ZNF805: variants seen among roughly 807,000 people sequenced by gnomAD.
ZNF805 encodes zinc finger protein 805.
A neutral mutation model predicts 13.6 loss-of-function variants in ZNF805; 7 were observed. The observed-to-expected ratio is 0.51, with a 90% CI of 0.29 to 0.97. The LOEUF is 0.97. ZNF805 is among the 50% of genes least tolerant of loss of function. The pLI, the probability that ZNF805 is intolerant of heterozygous loss-of-function variation, is 0.08. For synonymous variants in ZNF805, 293 were observed against 279.8 expected, an observed-to-expected ratio of 1.05 and a Z score of -0.47; for missense variants, 604 against 771.0, an observed-to-expected ratio of 0.78 and a Z score of 2.57.
chr19:57,254,869 G>A lies in ZNF805; in HGVS notation c.*166G>A, dbSNP rs1234398456. Reference sequence around the variant, plus strand: ...TCCATCTTTCTCATTAGTTTACAGTGCAATGTTATCTCAGGAATTTTTATA... The same window carrying A: ...TCCATCTTTCTCATTAGTTTACAGTACAATGTTATCTCAGGAATTTTTATA... On this transcript the variant is annotated 3_prime_UTR_variant, in exon 4 of 4. Transcript: ENST00000414468. 2.9e-6 allele frequency: 2 copies of A among 681,798 alleles called. No individual in the cohort carries two copies. Among genetic ancestry groups the A allele is most frequent in the Admixed American group, 3.3e-5 (1 of 30,316 alleles). 42.2% of individuals were successfully genotyped at this position (681,798 alleles called of 1,614,324 possible).
intron 2 of ZNF805, among the ~76,000 whole-genome samples, chr19:57,248,012 G>C (rs1368741682): frequency 6.6e-6 from 1 of 152,150 alleles, no homozygotes; most frequent in Non-Finnish European, 1.5e-5. Flanking sequence ...TTCAGGACTA[G>C]CCTGGCCATC....
chr19:57,246,497 C>T (rs1406681919), intron 2 of ZNF805, among the ~76,000 whole-genome samples: 1 of 151,996 alleles, frequency 6.6e-6, no homozygotes, highest in African/African-American at 2.4e-5. Flanking sequence ...AGAAAAGCAG[C>T]CCGGGCATGG....
intron 2 of ZNF805, among the ~76,000 whole-genome samples, chr19:57,244,845 T>TG (rs777460551): frequency 6.6e-6 from 1 of 152,214 alleles, no homozygotes; most frequent in Non-Finnish European, 1.5e-5. Flanking sequence ...TCTGTTTCTC[T>TG]GGCCTCTGTG....
chr19:57,250,736 G>A (rs148855028), intron 3 of ZNF805, among the ~76,000 whole-genome samples: 57 of 152,306 alleles, frequency 3.7e-4, no homozygotes, highest in East Asian at 2.1e-3. Flanking sequence ...GCAGGTTTTC[G>A]TGTTGACAGT....
At chr19:57,244,569 C>A (rs2087600209) in intron 2 of ZNF805, among the ~76,000 whole-genome samples, 1 of 144,284 alleles carries the variant, frequency 6.9e-6, no homozygotes, top group Admixed American at 7.1e-5. Flanking sequence ...AATAAGAGTA[C>A]TCTTTGGCTC....
At position 57,259,597 on chromosome 19, in the gene ZNF805, C is replaced by G. The variant is rs1044734325; in HGVS notation, c.*4894C>G. Among the ~76,000 whole-genome samples the G allele has an allele frequency of 2.0e-5, 3 of 152,156 alleles. No individual in the cohort carries two copies. Among genetic ancestry groups the G allele is most frequent in the Non-Finnish European group, 2.9e-5 (2 of 68,030 alleles). ...TCTCTGCTCACTGCAAGCTCTGCCT[C>G]CCGGGTTCATGCCATTCTCCTGCCT... On this transcript the variant is annotated 3_prime_UTR_variant, in exon 4 of 4. Transcript: ENST00000414468.
At chr19:57,249,017 T>G (rs570590678) in intron 3 of ZNF805, among the ~76,000 whole-genome samples, 1 of 152,308 alleles carries the variant, frequency 6.6e-6, no homozygotes, top group South Asian at 2.1e-4. Flanking sequence ...TAATACCAAC[T>G]GCTGTATCCA....
chr19:57,256,182 C>G lies in ZNF805; in HGVS notation c.*1479C>G, dbSNP rs970092677. ...CCTCACATCTTTGTGATAAGCCCTA[C>G]TTGATCATGGAGTATAATTTTGTTT... On this transcript the variant is annotated 3_prime_UTR_variant, in exon 4 of 4. Coordinates refer to ENST00000414468, the MANE Select transcript of ZNF805 (RefSeq NM_001023563.4). 1.3e-5 allele frequency among the ~76,000 whole-genome samples: 2 copies of G among 152,130 alleles called. No homozygotes were observed. The highest frequency in any genetic ancestry group is 4.8e-5 in the African/African-American group (2 of 41,450).
Position 57,255,218 on chromosome 19 carries a change from CTG to C in ZNF805, c.*516_*517del, listed in dbSNP as rs1216110540. ...TTTTAATGGGTTTTAAACACTAACA[CTG>C]AGAATTTTTCTTGATTCCCATCTGT... On this transcript the variant is annotated 3_prime_UTR_variant, in exon 4 of 4. Transcript: ENST00000414468. The C allele has an allele frequency of 1.2e-5, 2 of 167,100 alleles. No individual in the cohort carries two copies. The highest frequency in any genetic ancestry group is 4.8e-5 in the African/African-American group (2 of 41,406). The allele number at this position is 167,100 out of a possible 1,614,324, so 10.4% of individuals were successfully genotyped here.
chr19:57,244,266 G>A (rs2087598008), intron 2 of ZNF805, among the ~76,000 whole-genome samples: 1 of 130,286 alleles, frequency 7.7e-6, no homozygotes, highest in Non-Finnish European at 1.5e-5. Context: ...GCATTAGCAC[G>A]AACTCGGGTC....
Position 57,259,758 on chromosome 19 carries a change from G to A in ZNF805, c.*5055G>A, listed in dbSNP as rs2087712830. Among the ~76,000 whole-genome samples the A allele has an allele frequency of 6.6e-6, 1 of 152,094 alleles. No individual in the cohort carries two copies. Among genetic ancestry groups the A allele is most frequent in the African/African-American group, 2.4e-5 (1 of 41,410 alleles). On this transcript the variant is annotated 3_prime_UTR_variant, in exon 4 of 4. Transcript: ENST00000414468. Reference sequence around the variant, plus strand: ...CCTGATCTGGTGATCCACCTGCCTCGGCCTCCCGAAGTGCTGGGATTACAG... The same window carrying A: ...CCTGATCTGGTGATCCACCTGCCTCAGCCTCCCGAAGTGCTGGGATTACAG...
chr19:57,249,103 G>T (rs1416438107), intron 3 of ZNF805, among the ~76,000 whole-genome samples: 2 of 152,150 alleles, frequency 1.3e-5, no homozygotes, highest in African/African-American at 4.8e-5. Flanking sequence ...GGGTCAGCAG[G>T]GAACTCTGTA....
chr19:57,242,016 C>T (rs765772768), intron 1 of ZNF805, among the ~76,000 whole-genome samples: 1 of 152,178 alleles, frequency 6.6e-6, no homozygotes, highest in African/African-American at 2.4e-5. Flanking sequence ...AGAACTGTAA[C>T]GGTTGGCCTT....
chr19:57,242,694 G>T (rs116514348), intron 1 of ZNF805, among the ~76,000 whole-genome samples: 1 of 152,168 alleles, frequency 6.6e-6, no homozygotes, highest in Admixed American at 6.5e-5. Context: ...ACTGCCCCTC[G>T]TCAGGCATTT....
At position 57,253,298 on chromosome 19, in the gene ZNF805, G is replaced by A; in HGVS notation, c.479G>A (p.Gly160Asp). The A allele has an allele frequency of 1.3e-6, 2 of 1,574,080 alleles. No individual in the cohort carries two copies. The highest frequency in any genetic ancestry group is 1.2e-5 in the South Asian group (1 of 85,924). ...LPGKMSPKHD[G>D]LGTADSVCSR... ...GGAAAAATGAGCCCCAAACATGATG[G>A]TTTAGGGACAGCTGATAGTGTGTGT... The change falls in exon 4 of 4, where the codon GGT becomes GAT. Residue 160 changes from glycine (G) to aspartate (D), a missense_variant. This residue lies in a region of ZNF805 where 327 missense variants were observed against 378.2 expected (regional missense o/e 0.86). Coordinates refer to ENST00000414468, the MANE Select transcript of ZNF805 (RefSeq NM_001023563.4). This position sits in a 1 kb window ranked among gnomAD's most constrained non-coding sequence, Gnocchi z 4.4.
At position 57,255,438 on chromosome 19, in the gene ZNF805, A is replaced by G. The variant is rs141786217; in HGVS notation, c.*735A>G. Reference sequence around the variant, plus strand: ...GATAGAAATTGAGTTAAATCTATAGATCAATGTGTTGGAAATTGGCATCTT... The same window carrying G: ...GATAGAAATTGAGTTAAATCTATAGGTCAATGTGTTGGAAATTGGCATCTT... On this transcript the variant is annotated 3_prime_UTR_variant, in exon 4 of 4. Transcript: ENST00000414468. Among the ~76,000 whole-genome samples the G allele has an allele frequency of 2.6e-5, 4 of 152,290 alleles. No individual in the cohort carries two copies. The highest frequency in any genetic ancestry group is 9.6e-5 in the African/African-American group (4 of 41,574).
rs1486440829 is a variant in ZNF805, at chr19:57,259,384, C to CT, written c.*4688dup. On this transcript the variant is annotated 3_prime_UTR_variant, in exon 4 of 4. Transcript: ENST00000414468. ...TTTCATATTGGTTAATTTCTGTTGACTTTTTTTCAGCTCACTGATTCTTTT... is the reference window on the plus strand; with the variant it reads ...TTTCATATTGGTTAATTTCTGTTGACTTTTTTTTCAGCTCACTGATTCTTTT... 6.6e-6 allele frequency among the ~76,000 whole-genome samples: 1 copy of CT among 151,778 alleles called. No individual in the cohort carries two copies. Among genetic ancestry groups the CT allele is most frequent in the Non-Finnish European group, 1.5e-5 (1 of 67,950 alleles).
chr19:57,260,328 C>T lies in ZNF805; in HGVS notation c.*5625C>T, dbSNP rs749584493. ...ATTTCACCCTTCCTTGCCTATCAAG[C>T]TCTGGTTATTCTTTCTTCCACACAC... On this transcript the variant is annotated 3_prime_UTR_variant, in exon 4 of 4. Coordinates refer to ENST00000414468, the MANE Select transcript of ZNF805 (RefSeq NM_001023563.4). 5.9e-5 allele frequency among the ~76,000 whole-genome samples: 9 copies of T among 152,190 alleles called. No individual in the cohort carries two copies. Among genetic ancestry groups the T allele is most frequent in the Non-Finnish European group, 1.0e-4 (7 of 68,034 alleles).
chr19:57,241,674 T>C (rs2087580843), intron 1 of ZNF805, among the ~76,000 whole-genome samples: 1 of 93,514 alleles, frequency 1.1e-5, no homozygotes, highest in African/African-American at 3.5e-5. Flanking sequence ...CCTCTGTCCT[T>C]GTTTCCTTCC....
Sources: gnomAD v4.1 joint callset for allele counts (sites outside exome capture counted in the v4.1 genomes callset) on GRCh38, gnomAD v4.1.1 for gene constraint, gnomAD v4.1.1 regional missense constraint, Gnocchi (gnomAD v3.1) non-coding constraint, MANE v1.5 for transcripts, NCBI Gene and HGNC (gene_info 2026-07-23, HGNC 2026-07-21) for gene names.